TRIM33: variants seen among roughly 807,000 people sequenced by gnomAD.
The protein encoded by TRIM33 is tripartite motif containing 33, also known as E3 ubiquitin-protein ligase TRIM33.
A neutral mutation model predicts 125.4 loss-of-function variants in TRIM33; 20 were observed. The ratio of observed to expected loss-of-function variants is 0.16; its 90% CI spans 0.11 to 0.23. The LOEUF (loss-of-function observed/expected upper bound fraction) is 0.23, where lower values mean the gene tolerates loss of function less well. TRIM33 is among the 10% of genes least tolerant of loss of function. TRIM33 has a pLI of 1.00. For missense variants in TRIM33, 920 were observed against 1,411.4 expected, an observed-to-expected ratio of 0.65 and a Z score of 5.58; for synonymous variants, 564 against 513.9, an observed-to-expected ratio of 1.10 and a Z score of -1.32.
At chr1:114,486,851 C>G (rs1405536571) in intron 1 of TRIM33, among the ~76,000 whole-genome samples, 1 of 151,782 alleles carries the variant, frequency 6.6e-6, no homozygotes, top group Admixed American at 6.6e-5. Flanking sequence ...CTTTGGGAGG[C>G]CAAGGCAGGT....
intron 1 of TRIM33, among the ~76,000 whole-genome samples, chr1:114,494,891 T>C (rs1652278083): frequency 6.6e-6 from 1 of 152,166 alleles, no homozygotes; most frequent in Admixed American, 6.5e-5. Flanking sequence ...TAACTGGTAT[T>C]ATTTGGCCAG....
chr1:114,437,471 T>C (rs777497391), intron 4 of TRIM33, among the ~76,000 whole-genome samples: 7 of 152,128 alleles, frequency 4.6e-5, no homozygotes, highest in South Asian at 2.1e-4. Context: ...CCCGAGTACA[T>C]AGGACTACAG....
intron 11 of TRIM33, among the ~76,000 whole-genome samples, 183 bp downstream of exon 11, chr1:114,421,251 AAG>A (rs1653262315): frequency 6.6e-6 from 1 of 152,124 alleles, no homozygotes; most frequent in African/African-American, 2.4e-5. Flanking sequence ...GGAATGCGGA[AAG>A]AGAGGATGTT....
chr1:114,480,394 T>C (rs964223013), intron 1 of TRIM33, among the ~76,000 whole-genome samples: 11 of 151,434 alleles, frequency 7.3e-5, no homozygotes, highest in African/African-American at 2.2e-4. Flanking sequence ...TGTTCACTTG[T>C]TTATCTGCTG....
chr1:114,406,997 A>C lies in TRIM33; in HGVS notation c.2362T>G (p.Phe788Val). The C allele has an allele frequency of 1.2e-6, 2 of 1,613,996 alleles. No individual in the cohort carries two copies. The highest frequency in any genetic ancestry group is 1.7e-6 in the Non-Finnish European group (2 of 1,179,924). ...EPGTEDEICSFSGGVKQEKTE... is the reference protein window; with the variant it reads ...EPGTEDEICSVSGGVKQEKTE... ...TTTTCTTGTTTTACACCTCCTGAAA[A>C]GCTACATATTTCATCTTCAGTCCCA... The change falls in exon 14 of 20, where the codon TTT becomes GTT. Residue 788 changes from phenylalanine to valine, a missense_variant. Phe to Val is a conservative substitution (Grantham distance 50). Transcript: ENST00000358465.
intron 11 of TRIM33, among the ~76,000 whole-genome samples, chr1:114,419,749 C>T (rs1190333145): frequency 1.3e-5 from 2 of 152,230 alleles, no homozygotes; most frequent in Non-Finnish European, 1.5e-5. Context: ...GAGTAAATTA[C>T]AGCTGCTCTT....
At chr1:114,422,299 T>C (rs1403679679) in intron 10 of TRIM33, among the ~76,000 whole-genome samples, 7 of 152,174 alleles carry the variant, frequency 4.6e-5, no homozygotes, top group Non-Finnish European at 1.0e-4. Context: ...TCTGTAGAGG[T>C]ATACCCAAAG....
intron 4 of TRIM33, among the ~76,000 whole-genome samples, chr1:114,456,632 T>C (rs1361099181): frequency 6.6e-6 from 1 of 152,164 alleles, no homozygotes; most frequent in Non-Finnish European, 1.5e-5. Context: ...CAATTTGCCT[T>C]TGAGTGGGAG....
intron 1 of TRIM33, among the ~76,000 whole-genome samples, chr1:114,506,540 A>G (rs895684496): frequency 1.1e-4 from 16 of 152,286 alleles, no homozygotes; most frequent in African/African-American, 3.9e-4. Flanking sequence ...TATTTAAAAA[A>G]AGATTTTTTG....
At chr1:114,488,088 C>T (rs934546502) in intron 1 of TRIM33, among the ~76,000 whole-genome samples, 1 of 151,922 alleles carries the variant, frequency 6.6e-6, no homozygotes, top group African/African-American at 2.4e-5. Flanking sequence ...AGAAGTAAAA[C>T]GTCTATACTT....
chr1:114,416,574 T>C (rs1046441666), intron 11 of TRIM33, among the ~76,000 whole-genome samples: 1 of 152,358 alleles, frequency 6.6e-6, no homozygotes, highest in South Asian at 2.1e-4. Flanking sequence ...AGCCATTGCA[T>C]ATACCATACT....
At chr1:114,490,108 A>AAAAAAAAAAAAAAAAAAAAAAAAAAAC in intron 1 of TRIM33, among the ~76,000 whole-genome samples, 1 of 122,800 alleles carries the variant, frequency 8.1e-6, no homozygotes, top group Admixed American at 8.3e-5. Context: ...AAAAAAAGAA[A>AAAAAAAAAAAAAAAAAAAAAAAAAAAC]AGGAAAGGAA....
intron 1 of TRIM33, among the ~76,000 whole-genome samples, chr1:114,483,173 G>T (rs905824320): frequency 9.2e-5 from 14 of 152,014 alleles, no homozygotes; most frequent in Non-Finnish European, 1.9e-4. Context: ...TAGGTGCGAT[G>T]GTGCACACTT....
intron 4 of TRIM33, among the ~76,000 whole-genome samples, chr1:114,453,788 C>G (rs890951860): frequency 2.0e-5 from 3 of 152,030 alleles, no homozygotes; most frequent in Non-Finnish European, 4.4e-5. Flanking sequence ...AGAGACTGAC[C>G]CAATAAAAAT....
intron 4 of TRIM33, among the ~76,000 whole-genome samples, chr1:114,462,362 T>G (rs1369042755): frequency 1.3e-5 from 2 of 152,216 alleles, no homozygotes; most frequent in African/African-American, 4.8e-5. Flanking sequence ...TAAGTGTGGT[T>G]AACCCAAGTT....
intron 3 of TRIM33, 44 bp downstream of exon 3, chr1:114,463,368 G>C: frequency 1.3e-6 from 2 of 1,580,524 alleles, no homozygotes; most frequent in Non-Finnish European, 1.7e-6. Context: ...AAAAGAAGGA[G>C]GTTAACTGTA....
intron 6 of TRIM33, 95 bp from the exon 7 acceptor site, chr1:114,427,989 T>C: frequency 7.8e-7 from 1 of 1,288,270 alleles, no homozygotes; most frequent in South Asian, 1.4e-5. Flanking sequence ...TATACTTCCT[T>C]TAAAAATGGG....
At chr1:114,488,611 A>C (rs1651864978) in intron 1 of TRIM33, among the ~76,000 whole-genome samples, 1 of 152,100 alleles carries the variant, frequency 6.6e-6, no homozygotes, top group Non-Finnish European at 1.5e-5. Context: ...AAAAAATTAA[A>C]AAATTAGCCA....
At chr1:114,427,649 T>C (rs1572041648) in intron 7 of TRIM33, 99 bp downstream of exon 7, 4 of 1,294,856 alleles carry the variant, frequency 3.1e-6, no homozygotes, top group South Asian at 3.3e-5. Flanking sequence ...GTGGTTACAT[T>C]TGCCAAAATT....
Sources: gnomAD v4.1 joint callset for allele counts (sites outside exome capture counted in the v4.1 genomes callset) on GRCh38, gnomAD v4.1.1 for gene constraint, MANE v1.5 for transcripts, NCBI Gene and HGNC (gene_info 2026-07-23, HGNC 2026-07-21) for gene names.